Variants in UBE2V2 observed in about 807,000 individuals in gnomAD.
UBE2V2 encodes ubiquitin conjugating enzyme E2 V2.
UBE2V2 carries 9 observed loss-of-function variants against 17.2 expected under a neutral mutation model. The ratio of observed to expected loss-of-function variants is 0.52; its 90% CI spans 0.32 to 0.91. The LOEUF is 0.91. Ranked by LOEUF, UBE2V2 falls within the 40% of genes least tolerant of loss-of-function variation. UBE2V2 has a pLI of 0.04. For missense variants in UBE2V2, 133 were observed against 182.6 expected, an observed-to-expected ratio of 0.73 and a Z score of 1.56; for synonymous variants, 61 against 57.5, an observed-to-expected ratio of 1.06 and a Z score of -0.28.
chr8:48,015,985 C>T (rs778240069), intron 1 of UBE2V2, among the ~76,000 whole-genome samples: 19 of 151,294 alleles, frequency 1.3e-4, no homozygotes, highest in Non-Finnish European at 2.5e-4. Context: ...GCAACCTCCA[C>T]CTCCTGGGTT....
At chr8:48,056,438 A>G (rs575598230) in intron 3 of UBE2V2, among the ~76,000 whole-genome samples, 4 of 152,210 alleles carry the variant, frequency 2.6e-5, no homozygotes, top group Non-Finnish European at 5.9e-5. Context: ...ACAGTTTTCT[A>G]AAGTGAATAG....
intron 2 of UBE2V2, among the ~76,000 whole-genome samples, chr8:48,045,066 G>A (rs2091488924): frequency 6.6e-6 from 1 of 152,134 alleles, no homozygotes; most frequent in African/African-American, 2.4e-5. Context: ...GGATGGGGGT[G>A]AAGGCTGCTT....
At chr8:48,038,862 C>G (rs73579416) in intron 1 of UBE2V2, among the ~76,000 whole-genome samples, 1 of 151,702 alleles carries the variant, frequency 6.6e-6, no homozygotes, top group African/African-American at 2.4e-5. Context: ...AGTGATTTGC[C>G]CATCTCAGTC....
At chr8:48,041,159 C>G (rs1290451288) in intron 1 of UBE2V2, among the ~76,000 whole-genome samples, 1 of 147,646 alleles carries the variant, frequency 6.8e-6, no homozygotes, top group African/African-American at 2.5e-5. Flanking sequence ...CCACTGTGCC[C>G]GGCCTTTTTT....
intron 1 of UBE2V2, among the ~76,000 whole-genome samples, chr8:48,039,758 G>A (rs1156361416): frequency 6.6e-6 from 1 of 151,826 alleles, no homozygotes; most frequent in Non-Finnish European, 1.5e-5. Context: ...TTTGAGACAG[G>A]GTTTCACTCT....
At chr8:48,029,571 A>G (rs1278816280) in intron 1 of UBE2V2, among the ~76,000 whole-genome samples, 1 of 152,192 alleles carries the variant, frequency 6.6e-6, no homozygotes, top group Non-Finnish European at 1.5e-5. Context: ...ATTCTTTGGA[A>G]GTAGTATAAT....
chr8:48,010,425 G>T (rs1332731362), intron 1 of UBE2V2, among the ~76,000 whole-genome samples: 1 of 137,728 alleles, frequency 7.3e-6, no homozygotes, highest in African/African-American at 2.7e-5. Context: ...TTTTTGAGAC[G>T]CAGTCTTGCT....
chr8:48,038,805 A>AGTAGAGAC (rs1334075276), intron 1 of UBE2V2, among the ~76,000 whole-genome samples: 1 of 151,694 alleles, frequency 6.6e-6, no homozygotes, highest in Non-Finnish European at 1.5e-5. Flanking sequence ...TTGTATTTTT[A>AGTAGAGAC]GTAGAGACAG....
At chr8:48,049,612 GAATT>G in intron 2 of UBE2V2, 1 of 296,700 alleles carries the variant, frequency 3.4e-6, no homozygotes, top group South Asian at 7.2e-5. Flanking sequence ...ATACTTTGTA[GAATT>G]AATTTTGTAA....
In UBE2V2 at chr8:48,064,641, AATG is replaced by A. The variant is rs1371429031; in HGVS notation, c.*3816_*3818del. 6.6e-6 allele frequency: 1 copy of A among 152,106 alleles called. No homozygotes were observed. Among genetic ancestry groups the A allele is most frequent in the Admixed American group, 6.6e-5 (1 of 15,258 alleles). 9.4% of individuals were successfully genotyped at this position (152,106 alleles called of 1,614,324 possible). ...GAAGAGAAAATTAATGAAGGTATTT[AATG>A]ATATAGGAAATAAGTGACAAGTTAA... On this transcript the variant is annotated 3_prime_UTR_variant, in exon 4 of 4. Coordinates refer to ENST00000523111, the MANE Select transcript of UBE2V2 (RefSeq NM_003350.3).
At chr8:48,051,172 T>C (rs1197058880) in intron 3 of UBE2V2, among the ~76,000 whole-genome samples, 1 of 152,188 alleles carries the variant, frequency 6.6e-6, no homozygotes, top group Non-Finnish European at 1.5e-5. Flanking sequence ...CAAAATGACA[T>C]GCCCTGCTTG....
chr8:48,035,109 T>A, intron 1 of UBE2V2: 8 of 320,706 alleles, frequency 2.5e-5, no homozygotes, highest in African/African-American at 3.2e-5. Flanking sequence ...TATTTATTCT[T>A]TTTTTTTTTT....
intron 1 of UBE2V2, among the ~76,000 whole-genome samples, chr8:48,022,815 T>TG (rs1241053551): frequency 1.3e-5 from 2 of 151,980 alleles, no homozygotes; most frequent in Non-Finnish European, 2.9e-5. Flanking sequence ...CGCATTTTTT[T>TG]TTTTTTTTAA....
chr8:48,033,043 G>A (rs1439895302), intron 1 of UBE2V2, among the ~76,000 whole-genome samples: 1 of 152,046 alleles, frequency 6.6e-6, no homozygotes, highest in Non-Finnish European at 1.5e-5. Flanking sequence ...AAAGGAGCAG[G>A]GGCATACCAT....
At chr8:48,050,090 T>G in intron 3 of UBE2V2, 112 bp downstream of exon 3, 1 of 812,034 alleles carries the variant, frequency 1.2e-6, no homozygotes, top group Non-Finnish European at 1.7e-6. Flanking sequence ...AGGAGAAAGT[T>G]TTTAAAAGAG....
intron 1 of UBE2V2, among the ~76,000 whole-genome samples, chr8:48,009,793 T>C (rs1052713873): frequency 2.6e-5 from 4 of 152,204 alleles, no homozygotes; most frequent in Non-Finnish European, 4.4e-5. Flanking sequence ...ATAGGTGTCA[T>C]AGGTTTTAAG....
chr8:48,045,622 G>A lies in UBE2V2; in HGVS notation c.165+2441G>A, dbSNP rs566288737. On this transcript the variant is annotated intron_variant, in intron 2 of 3. Transcript: ENST00000523111. ...CTGTTTTCTTAAGTGCCAAGGTGCC[G>A]TATTTTGGGATAGTATGTCCTGAAC... 7.9e-5 allele frequency among the ~76,000 whole-genome samples: 12 copies of A among 152,240 alleles called. No homozygotes were observed. The East Asian group carries it at 9.7e-4, about 12-fold the overall frequency.
At chr8:48,027,016 G>A (rs2091350487) in intron 1 of UBE2V2, among the ~76,000 whole-genome samples, 1 of 152,056 alleles carries the variant, frequency 6.6e-6, no homozygotes, top group African/African-American at 2.4e-5. Context: ...ACGGAGTCTC[G>A]CTCTGTTGCC....
upstream of UBE2V2, chr8:48,008,363 C>T (rs942052743): frequency 1.4e-6 from 2 of 1,467,772 alleles, no homozygotes; most frequent in Admixed American, 5.4e-5. Flanking sequence ...GGGCGGAGTC[C>T]GCTGTGACGC....
Sources: allele counts gnomAD v4.1 joint callset (sites outside exome capture counted in the v4.1 genomes callset), GRCh38; gene constraint gnomAD v4.1.1; transcripts MANE v1.5; gene names NCBI Gene and HGNC (gene_info 2026-07-23, HGNC 2026-07-21).